The following FRY variants were observed in gnomAD, a reference collection of about 807,000 sequenced individuals.
FRY encodes the protein FRY microtubule binding protein.
FRY carries 128 observed loss-of-function variants against 348.4 expected under a neutral mutation model. The observed-to-expected ratio is 0.37, with a 90% CI of 0.32 to 0.43. The LOEUF (loss-of-function observed/expected upper bound fraction) is 0.43, where lower values mean the gene tolerates loss of function less well. FRY is among the 20% of genes least tolerant of loss of function. The pLI, the probability that FRY is intolerant of heterozygous loss-of-function variation, is 1.00. For missense variants in FRY, 2,736 were observed against 3,695.2 expected (o/e 0.74, Z 6.73); for synonymous variants, 1,370 against 1,374.7 (o/e 1.00, Z 0.08).
intron 53 of FRY, among the ~76,000 whole-genome samples, chr13:32,263,782 G>A (rs1887788382): frequency 6.6e-6 from 1 of 152,218 alleles, no homozygotes; most frequent in Admixed American, 6.5e-5. Flanking sequence ...GCCGAGGCGG[G>A]TGGATCACGA....
At chr13:32,174,499 C>T (rs929232007) in intron 19 of FRY, among the ~76,000 whole-genome samples, 1 of 152,086 alleles carries the variant, frequency 6.6e-6, no homozygotes, top group East Asian at 1.9e-4. Flanking sequence ...TCTCATTTGA[C>T]CCTCATAATA....
chr13:32,068,266 G>C (rs969586593), intron 1 of FRY, among the ~76,000 whole-genome samples: 1 of 152,062 alleles, frequency 6.6e-6, no homozygotes, highest in East Asian at 1.9e-4. Context: ...AATTAGAAAA[G>C]AGAAGAAAAT....
chr13:32,090,501 G>T (rs1593600910), intron 2 of FRY, among the ~76,000 whole-genome samples: 1 of 152,128 alleles, frequency 6.6e-6, no homozygotes, highest in South Asian at 2.1e-4. Flanking sequence ...CTGAGGAGCT[G>T]GCTGATGGAG....
In FRY at chr13:32,275,174, C is replaced by T. The variant is rs750255888; in HGVS notation, c.8286+183C>T. The T allele has an allele frequency of 3.8e-5, 21 of 552,434 alleles. No individual in the cohort carries two copies. In the East Asian group the frequency reaches 6.2e-4, roughly 16 times the overall value. The allele number at this position is 552,434 out of a possible 1,614,324, so 34.2% of individuals were successfully genotyped here. ...TGGGCGGATCACAAGGTCAGGAGAT[C>T]GAGACCATCCTGGCTAACACGGTGA... On this transcript the variant is annotated intron_variant, in intron 56 of 60. Transcript: ENST00000542859.
chr13:32,272,410 T>G (rs1888250429), intron 55 of FRY, among the ~76,000 whole-genome samples: 1 of 152,258 alleles, frequency 6.6e-6, no homozygotes, highest in South Asian at 2.1e-4. Context: ...GTTACTCATA[T>G]GTGAGAATGT....
chr13:32,241,804 T>A (rs1243256947), intron 46 of FRY, among the ~76,000 whole-genome samples: 1 of 152,252 alleles, frequency 6.6e-6, no homozygotes, highest in African/African-American at 2.4e-5. Flanking sequence ...ATCTAATTTG[T>A]TCTGTTCAGC....
rs142251001 is a variant in FRY, at chr13:32,102,866, G to A, written c.324+850G>A. On this transcript the variant is annotated intron_variant, in intron 3 of 60. Coordinates refer to ENST00000542859, the MANE Select transcript of FRY (RefSeq NM_023037.3). Reference sequence around the variant, plus strand: ...TTCAAAAACCTCAGTTGGTGCCAACGTCAGACACAAAATACTGCTAGATAT... The same window carrying A: ...TTCAAAAACCTCAGTTGGTGCCAACATCAGACACAAAATACTGCTAGATAT... 1.2e-4 allele frequency among the ~76,000 whole-genome samples: 19 copies of A among 152,288 alleles called. No homozygotes were observed. The East Asian group carries it at 3.3e-3, about 26-fold the overall frequency.
At chr13:32,281,154 AACTCTGTTAGCATTAC>A (rs1267963213) in intron 58 of FRY, among the ~76,000 whole-genome samples, 2 of 152,218 alleles carry the variant, frequency 1.3e-5, no homozygotes, top group African/African-American at 4.8e-5. Flanking sequence ...TAGATGTGAC[AACTCTGTTAGCATTAC>A]TATAAAGGCT....
rs1258731114 is a variant in FRY at position 32,187,638 on chromosome 13, G to C, written c.3573G>C (p.Leu1191=). 3.1e-6 allele frequency: 5 copies of C among 1,600,516 alleles called. No individual in the cohort carries two copies. Among genetic ancestry groups the C allele is most frequent in the Non-Finnish European group, 4.3e-6 (5 of 1,167,810 alleles). The change falls in exon 28 of 61, where the codon CTG becomes CTC. Residue 1191 remains leucine, a synonymous_variant. Transcript: ENST00000542859. ...TATATAAATGGCTTGACAACATTCT[G>C]GCTTGTCAAGATTTACGAGTAAGTA... The part of the protein sequence containing the change: ...GYLYKWLDNI[L]ACQDLRVHQL...
intron 17 of FRY, among the ~76,000 whole-genome samples, chr13:32,168,686 A>G (rs1881889363): frequency 6.6e-6 from 1 of 152,326 alleles, no homozygotes; most frequent in South Asian, 2.1e-4. Context: ...ATTAGCTTAG[A>G]TCTTCCTTCT....
intron 1 of FRY, among the ~76,000 whole-genome samples, chr13:32,074,288 C>T (rs912237676): frequency 2.0e-5 from 3 of 151,802 alleles, no homozygotes; most frequent in Non-Finnish European, 4.4e-5. Context: ...AGAACATTAA[C>T]AAAACTCATT....
chr13:32,199,260 G>A (rs745866203), intron 29 of FRY, among the ~76,000 whole-genome samples: 1 of 152,198 alleles, frequency 6.6e-6, no homozygotes, highest in Non-Finnish European at 1.5e-5. Flanking sequence ...GGATTCAGCT[G>A]GAGGATTGAG....
At chr13:32,257,113 T>G (rs1887380067) in intron 51 of FRY, among the ~76,000 whole-genome samples, 3 of 152,192 alleles carry the variant, frequency 2.0e-5, no homozygotes, top group Admixed American at 2.0e-4. Context: ...TTTCAAAAAT[T>G]TTTAAAAATC....
In FRY at chr13:32,228,693, G is replaced by A. The variant is rs369656399; in HGVS notation, c.5405+39G>A. 4.4e-6 allele frequency: 7 copies of A among 1,575,594 alleles called. No individual in the cohort carries two copies. In the African/African-American group the frequency reaches 6.7e-5, roughly 15 times the overall value. On this transcript the variant is annotated intron_variant, in intron 40 of 60. Coordinates refer to ENST00000542859, the MANE Select transcript of FRY (RefSeq NM_023037.3). Reference sequence around the variant, plus strand: ...AGGAGTCCGCTGCTGTTTGCAGGTTGGTCTTTCGGAAAATTGCCAACGCTT... The same window carrying A: ...AGGAGTCCGCTGCTGTTTGCAGGTTAGTCTTTCGGAAAATTGCCAACGCTT...
chr13:32,278,383 A>C, intron 57 of FRY, 82 bp from the exon 58 acceptor site: 2 of 813,198 alleles, frequency 2.5e-6, no homozygotes, highest in South Asian at 2.7e-5. Context: ...ACTTTAATGA[A>C]TTTTTTCCTA....
rs1888444676 is a variant in FRY, at chr13:32,274,910, A to T, written c.8205A>T (p.Gly2735=). ...AASYLGDNLR[G]IGSKFVSSSQ... ...GTTACCTTGGAGATAACCTCCGGGGAATCGGATCCAAATTTGTCAGCTCTT... is the reference window on the plus strand; with the variant it reads ...GTTACCTTGGAGATAACCTCCGGGGTATCGGATCCAAATTTGTCAGCTCTT... The change falls in exon 56 of 61, where the codon GGA becomes GGT. Residue 2735 remains glycine (G), a synonymous_variant. Coordinates refer to ENST00000542859, the MANE Select transcript of FRY (RefSeq NM_023037.3). 3.7e-6 allele frequency: 6 copies of T among 1,612,874 alleles called. No individual in the cohort carries two copies. The highest frequency in any genetic ancestry group is 5.1e-6 in the Non-Finnish European group (6 of 1,179,024).
intron 1 of FRY, among the ~76,000 whole-genome samples, chr13:32,057,253 C>T (rs1352155496): frequency 6.6e-6 from 1 of 152,010 alleles, no homozygotes; most frequent in African/African-American, 2.4e-5. Flanking sequence ...TCACTGCAAC[C>T]TTCTGTCTCC....
intron 2 of FRY, among the ~76,000 whole-genome samples, chr13:32,099,876 T>C (rs1382458300): frequency 6.6e-6 from 1 of 152,024 alleles, no homozygotes; most frequent in Non-Finnish European, 1.5e-5. Flanking sequence ...AAAGATGTAA[T>C]AATTAAGGTG....
intron 21 of FRY, 132 bp downstream of exon 21, chr13:32,178,568 A>G: frequency 9.4e-7 from 1 of 1,068,474 alleles, no homozygotes; most frequent in Non-Finnish European, 1.4e-6. Context: ...CTTAACATTG[A>G]GTAAAAACAT....
Sources: gnomAD v4.1 joint callset for allele counts (sites outside exome capture counted in the v4.1 genomes callset) on GRCh38, gnomAD v4.1.1 for gene constraint, MANE v1.5 for transcripts, NCBI Gene and HGNC (gene_info 2026-07-23, HGNC 2026-07-21) for gene names.